Variants in SLC38A6 observed in about 807,000 individuals in gnomAD.
SLC38A6 encodes the protein N system amino acid transporter NAT-1.
Under a neutral mutation model 65.0 loss-of-function variants are expected in SLC38A6, and 73 were observed. That is an observed-to-expected ratio of 1.12 (90% CI 0.93 to 1.37). The LOEUF (loss-of-function observed/expected upper bound fraction) is 1.37, where lower values mean the gene tolerates loss of function less well. Ranked by LOEUF, SLC38A6 falls within the 40% of genes most tolerant of loss-of-function variation. The pLI is 0.00. For synonymous variants in SLC38A6, 183 were observed against 178.8 expected (o/e 1.02, Z -0.19); for missense variants, 561 against 531.1 (o/e 1.06, Z -0.55).
At chr14:61,001,334 C>T (rs1359968280) in intron 3 of SLC38A6, among the ~76,000 whole-genome samples, 1 of 152,216 alleles carries the variant, frequency 6.6e-6, no homozygotes, top group Non-Finnish European at 1.5e-5. Context: ...TATGTGTGTG[C>T]TCCCCTTGTG....
At chr14:61,007,813 A>G (rs2039261900) in intron 3 of SLC38A6, among the ~76,000 whole-genome samples, 1 of 152,188 alleles carries the variant, frequency 6.6e-6, no homozygotes, top group South Asian at 2.1e-4. Context: ...TTTCAGGTTT[A>G]AAATATATAT....
At chr14:61,011,287 T>C (rs570963836) in intron 3 of SLC38A6, among the ~76,000 whole-genome samples, 3 of 152,244 alleles carry the variant, frequency 2.0e-5, no homozygotes, top group South Asian at 2.1e-4. Context: ...TGGGCCGAGA[T>C]GGTGGGGTTT....
chr14:61,071,351 T>C (rs1489790306), intron 15 of SLC38A6, among the ~76,000 whole-genome samples: 1 of 152,198 alleles, frequency 6.6e-6, no homozygotes, highest in Admixed American at 6.6e-5. Flanking sequence ...CATGTGCATT[T>C]TTAATTTTGG....
chr14:61,073,941 A>G (rs1273538094), intron 15 of SLC38A6: 1 of 152,048 alleles, frequency 6.6e-6, no homozygotes, highest in Non-Finnish European at 1.5e-5. Flanking sequence ...TTCACTTAAT[A>G]GTAAATATGT....
In SLC38A6 at chr14:61,013,029, G is replaced by C. The variant is rs542088587; in HGVS notation, c.311-2875G>C. ...ATTGTGTGGGAGTCTAAGTCTCTTT[G>C]TAGGTCTCTAAGGACTTGCTTTATG... On this transcript the variant is annotated intron_variant, in intron 3 of 15. Coordinates refer to ENST00000267488, the MANE Select transcript of SLC38A6 (RefSeq NM_153811.3). Among the ~76,000 whole-genome samples, 22 of 152,260 alleles carry C rather than the reference G, an allele frequency of 1.4e-4. No homozygotes were observed. The East Asian group carries it at 1.7e-3, about 12-fold the overall frequency.
intron 3 of SLC38A6, among the ~76,000 whole-genome samples, chr14:60,988,524 C>T (rs1385951113): frequency 6.6e-6 from 1 of 152,182 alleles, no homozygotes; most frequent in Admixed American, 6.5e-5. Context: ...TCTCTACCTA[C>T]ACTGGCCACT....
At chr14:61,057,039 T>C, downstream of SLC38A6, among the ~76,000 whole-genome samples, 1 of 117,390 alleles carries the variant, frequency 8.5e-6, no homozygotes, top group South Asian at 3.2e-4. Flanking sequence ...TGGGGTTTTC[T>C]AGATAAACAA....
chr14:61,069,947 A>G (rs2043171874), intron 15 of SLC38A6, among the ~76,000 whole-genome samples: 1 of 152,188 alleles, frequency 6.6e-6, no homozygotes, highest in South Asian at 2.1e-4. Context: ...CACAAGGAGA[A>G]TACACGGATA....
At chr14:61,032,733 A>G (rs890635757) in intron 6 of SLC38A6, among the ~76,000 whole-genome samples, 1 of 151,820 alleles carries the variant, frequency 6.6e-6, no homozygotes, top group African/African-American at 2.4e-5. Flanking sequence ...CTAGAAAATA[A>G]GTAAGAAACA....
Position 61,037,653 on chromosome 14 carries a change from ATTTTTCT to A in SLC38A6, c.597_603del (p.Phe199LeufsTer2), listed in dbSNP as rs1458566263. ...TTCTTGGCTACACAAGTAGTTTATC[ATTTTTCT>A]TTATGATGTTCTTTGCTCTTGTGGT... On this transcript the variant is annotated frameshift_variant, in exon 8 of 16. Transcript: ENST00000267488. LOFTEE classifies it high-confidence loss of function. The A allele has an allele frequency of 1.9e-6, 3 of 1,593,328 alleles. No individual in the cohort carries two copies. The Admixed American group carries it at 5.1e-5, about 27-fold the overall frequency.
At chr14:61,068,591 CG>C (rs1443933301) in intron 15 of SLC38A6, among the ~76,000 whole-genome samples, 5 of 152,184 alleles carry the variant, frequency 3.3e-5, no homozygotes, top group African/African-American at 1.2e-4. Context: ...ATTTAAGCCT[CG>C]GGTCAACTGT....
chr14:61,001,322 A>G (rs963104103), intron 3 of SLC38A6, among the ~76,000 whole-genome samples: 1 of 152,210 alleles, frequency 6.6e-6, no homozygotes, highest in Admixed American at 6.5e-5. Context: ...CCCTGGCAAC[A>G]TTATGTGTGT....
intron 3 of SLC38A6, among the ~76,000 whole-genome samples, chr14:61,011,075 G>C (rs2039526537): frequency 1.3e-5 from 2 of 151,718 alleles, no homozygotes; most frequent in African/African-American, 4.8e-5. Context: ...GTGGTTTGTA[G>C]TTCTTGAAGA....
At chr14:61,065,752 T>G (rs560002142) in intron 15 of SLC38A6, among the ~76,000 whole-genome samples, 36 of 152,348 alleles carry the variant, frequency 2.4e-4, no homozygotes, top group Non-Finnish European at 2.2e-4. Context: ...TGGCAAACAC[T>G]GTATAAGATG....
chr14:60,990,228 G>A (rs1477451611), intron 3 of SLC38A6, among the ~76,000 whole-genome samples: 1 of 152,088 alleles, frequency 6.6e-6, no homozygotes, highest in African/African-American at 2.4e-5. Flanking sequence ...ACAGGGTTTT[G>A]CCATGTTGGC....
Position 60,984,803 on chromosome 14 carries a change from G to C in SLC38A6, c.310G>C (p.Ala104Pro), listed in dbSNP as rs773369302. Residue 104 changes from alanine to proline, a missense_variant and splice_region_variant, in exon 3 of 16, where the codon GCT becomes CCT. By Grantham distance (27) the Ala-to-Pro change is conservative. Coordinates refer to ENST00000267488, the MANE Select transcript of SLC38A6 (RefSeq NM_153811.3). ...TCTGCTTAGTATGTGTATTCAGACA[G>C]GTGAGTAAAAATGTTATGCTGCTTC... The part of the protein sequence containing the change: ...HLLLSMCIQT[A>P]VTSYEDLGLF... The C allele has an allele frequency of 6.2e-7, 1 of 1,613,230 alleles. No homozygotes were observed. Among genetic ancestry groups the C allele is most frequent in the South Asian group, 1.1e-5 (1 of 91,042 alleles).
At chr14:60,985,409 T>C (rs1438667966) in intron 3 of SLC38A6, among the ~76,000 whole-genome samples, 1 of 152,234 alleles carries the variant, frequency 6.6e-6, no homozygotes, top group Non-Finnish European at 1.5e-5. Context: ...TAAGTTCTTT[T>C]AGGATCCAGT....
At chr14:61,021,650 T>C (rs1317107844) in intron 5 of SLC38A6, among the ~76,000 whole-genome samples, 1 of 152,174 alleles carries the variant, frequency 6.6e-6, no homozygotes, top group Non-Finnish European at 1.5e-5. Flanking sequence ...TTAGAACTTT[T>C]TTTTAAAAAG....
chr14:61,012,184 G>C (rs1454495807), intron 3 of SLC38A6, among the ~76,000 whole-genome samples: 2 of 152,192 alleles, frequency 1.3e-5, no homozygotes, highest in African/African-American at 4.8e-5. Context: ...GGTGTTTATA[G>C]TATTCTCTGA....
Sources: allele counts gnomAD v4.1 joint callset (sites outside exome capture counted in the v4.1 genomes callset), GRCh38; gene constraint gnomAD v4.1.1; transcripts MANE v1.5; gene names NCBI Gene and HGNC (gene_info 2026-07-23, HGNC 2026-07-21).